NT5E: variants seen among roughly 807,000 people sequenced by gnomAD.
The protein encoded by NT5E is 5'-nucleotidase.
In NT5E, 53 loss-of-function variants were observed where a neutral mutation model predicts 55.1. That is an observed-to-expected ratio of 0.96 (90% CI 0.77 to 1.21). NT5E has a LOEUF of 1.21. Ranked by LOEUF, NT5E falls within the 50% of genes most tolerant of loss-of-function variation. The pLI is 0.00. For synonymous variants in NT5E, 270 were observed against 278.4 expected (o/e 0.97, Z 0.30); for missense variants, 683 against 724.3 (o/e 0.94, Z 0.65).
chr6:85,453,535 T>C (rs1768932223), intron 1 of NT5E, among the ~76,000 whole-genome samples: 2 of 152,214 alleles, frequency 1.3e-5, no homozygotes, highest in Admixed American at 6.5e-5. Flanking sequence ...AGCAGACTTA[T>C]GAAATCTCCC....
chr6:85,493,324 T>A (rs1769825355), intron 8 of NT5E, among the ~76,000 whole-genome samples: 1 of 152,148 alleles, frequency 6.6e-6, no homozygotes, highest in Admixed American at 6.6e-5. Context: ...GTGATATTTT[T>A]AAAATAAAAT....
At chr6:85,464,104 G>C (rs1014994625) in intron 1 of NT5E, among the ~76,000 whole-genome samples, 2 of 100,218 alleles carry the variant, frequency 2.0e-5, no homozygotes, top group African/African-American at 7.4e-5. Context: ...AGTGCTTTGT[G>C]TATGCTAGGC....
chr6:85,482,860 C>A (rs1769577634), intron 3 of NT5E, among the ~76,000 whole-genome samples: 1 of 152,096 alleles, frequency 6.6e-6, no homozygotes. Context: ...CTGGGACTGC[C>A]GAGTTGAAGG....
chr6:85,476,746 A>G (rs1769445618), intron 3 of NT5E, among the ~76,000 whole-genome samples: 1 of 152,126 alleles, frequency 6.6e-6, no homozygotes, highest in South Asian at 2.1e-4. Context: ...CCCTGGAGTT[A>G]GGCCATCCCC....
chr6:85,455,004 G>A (rs549992258), intron 1 of NT5E, among the ~76,000 whole-genome samples: 1 of 152,304 alleles, frequency 6.6e-6, no homozygotes, highest in South Asian at 2.1e-4. Flanking sequence ...AATGGACCAG[G>A]TTGGACCAGA....
At chr6:85,486,029 C>G (rs1208495140) in intron 4 of NT5E, among the ~76,000 whole-genome samples, 1 of 152,114 alleles carries the variant, frequency 6.6e-6, no homozygotes, top group Non-Finnish European at 1.5e-5. Flanking sequence ...TCCTGCGGTG[C>G]CAACAATGCA....
At chr6:85,460,894 T>C (rs879556002) in intron 1 of NT5E, among the ~76,000 whole-genome samples, 4 of 152,156 alleles carry the variant, frequency 2.6e-5, no homozygotes, top group Admixed American at 6.5e-5. Flanking sequence ...TGGCCTGCAT[T>C]GTCTGCAGGA....
At chr6:85,459,049 G>A (rs994053049) in intron 1 of NT5E, among the ~76,000 whole-genome samples, 3 of 152,168 alleles carry the variant, frequency 2.0e-5, no homozygotes, top group African/African-American at 7.2e-5. Context: ...CAAAACAAAT[G>A]TAATTTGTAA....
intron 1 of NT5E, among the ~76,000 whole-genome samples, chr6:85,464,777 T>C (rs1262845936): frequency 1.3e-5 from 2 of 151,892 alleles, no homozygotes; most frequent in East Asian, 3.9e-4. Context: ...GCAGCAACAA[T>C]AGGTGGATGG....
At chr6:85,457,905 G>T (rs971493981) in intron 1 of NT5E, among the ~76,000 whole-genome samples, 2 of 152,178 alleles carry the variant, frequency 1.3e-5, no homozygotes, top group Admixed American at 1.3e-4. Context: ...ATAAAGGAGA[G>T]AGGTTAAACA....
At chr6:85,452,709 C>G (rs1194472615) in intron 1 of NT5E, among the ~76,000 whole-genome samples, 1 of 152,146 alleles carries the variant, frequency 6.6e-6, no homozygotes, top group Non-Finnish European at 1.5e-5. Flanking sequence ...AAAGCATGTG[C>G]TAAAGCTCTG....
chr6:85,477,701 A>G (rs1423432265), intron 3 of NT5E, among the ~76,000 whole-genome samples: 1 of 152,222 alleles, frequency 6.6e-6, no homozygotes, highest in Non-Finnish European at 1.5e-5. Context: ...CGAGAAAACA[A>G]TCTTATTACT....
chr6:85,453,289 C>A (rs1003442361), intron 1 of NT5E, among the ~76,000 whole-genome samples: 1 of 152,172 alleles, frequency 6.6e-6, no homozygotes, highest in Non-Finnish European at 1.5e-5. Flanking sequence ...GGAGTGATAA[C>A]CCCCATCTTG....
chr6:85,451,370 CAT>C (rs1434209498), intron 1 of NT5E, among the ~76,000 whole-genome samples: 5 of 152,128 alleles, frequency 3.3e-5, no homozygotes, highest in Non-Finnish European at 5.9e-5. Flanking sequence ...GCTCTTAAAA[CAT>C]GTGCAAAAGT....
chr6:85,483,346 C>T (rs1025389736), intron 3 of NT5E, among the ~76,000 whole-genome samples: 2 of 152,344 alleles, frequency 1.3e-5, no homozygotes, highest in Admixed American at 6.5e-5. Flanking sequence ...GCCATAACTA[C>T]CTGGTCCCCT....
At position 85,495,716 on chromosome 6, in the gene NT5E, T is replaced by G. The variant is rs562180332; in HGVS notation, c.*1712T>G. ...CTAAATCTGTGTGTGTATTGTGAAG[T>G]GGTATAAGAAATGACTTTGAACCAC... On this transcript the variant is annotated 3_prime_UTR_variant, in exon 9 of 9. Transcript: ENST00000257770. 5.5e-4 allele frequency: 84 copies of G among 152,312 alleles called. No individual in the cohort carries two copies. The highest frequency in any genetic ancestry group is 2.0e-3 in the African/African-American group (84 of 41,564). 9.4% of individuals were successfully genotyped at this position (152,312 alleles called of 1,614,324 possible).
At chr6:85,484,550 G>T (rs1011618491) in intron 3 of NT5E, among the ~76,000 whole-genome samples, 12 of 152,148 alleles carry the variant, frequency 7.9e-5, no homozygotes, top group Non-Finnish European at 1.6e-4. Flanking sequence ...TGTGCCTGCT[G>T]GTTGGCCCTC....
chr6:85,491,243 C>A, intron 7 of NT5E: 1 of 363,762 alleles, frequency 2.7e-6, no homozygotes, highest in South Asian at 2.0e-5. Flanking sequence ...CCTAAATTGC[C>A]AAGGGCTTCT....
intron 2 of NT5E, among the ~76,000 whole-genome samples, chr6:85,467,831 C>G (rs761034539): frequency 3.8e-4 from 57 of 151,296 alleles, no homozygotes; most frequent in Non-Finnish European, 3.1e-4. Flanking sequence ...TATGTATATA[C>G]ATTTATAGAC....
Sources: gnomAD v4.1 joint callset for allele counts (sites outside exome capture counted in the v4.1 genomes callset) on GRCh38, gnomAD v4.1.1 for gene constraint, MANE v1.5 for transcripts, NCBI Gene and HGNC (gene_info 2026-07-23, HGNC 2026-07-21) for gene names.